The following CLPTM1 variants were observed in gnomAD, a reference collection of about 807,000 sequenced individuals.
CLPTM1 encodes CLPTM1 regulator of GABA type A receptor forward trafficking.
In CLPTM1, 21 loss-of-function variants were observed where a neutral mutation model predicts 77.3. That is an observed-to-expected ratio of 0.27 (90% CI 0.19 to 0.39). CLPTM1 has a LOEUF of 0.39. CLPTM1 is among the 10% of genes least tolerant of loss of function. The pLI is 1.00. For synonymous variants in CLPTM1, 373 were observed against 381.0 expected (o/e 0.98, Z 0.24); for missense variants, 642 against 921.2 (o/e 0.70, Z 3.92).
At chr19:44,978,931 C>CT (rs1466167232) in intron 5 of CLPTM1, among the ~76,000 whole-genome samples, 10 of 150,838 alleles carry the variant, frequency 6.6e-5, no homozygotes, top group African/African-American at 2.4e-4. Context: ...TGTCCGTCCT[C>CT]TTGTTTTCGA....
At chr19:44,980,789 C>CA (rs1293412089) in intron 5 of CLPTM1, among the ~76,000 whole-genome samples, 2 of 150,360 alleles carry the variant, frequency 1.3e-5, no homozygotes, top group Non-Finnish European at 3.0e-5. Flanking sequence ...CTCATCTCTA[C>CA]AAAAAAAAAT....
chr19:44,991,113 C>T lies in CLPTM1; in HGVS notation c.1420-125C>T, dbSNP rs1281478031. On this transcript the variant is annotated intron_variant, in intron 11 of 13. Transcript: ENST00000337392. This position sits in a 1 kb window ranked among gnomAD's most constrained non-coding sequence, Gnocchi z 5.4. ...GCTTCCCTGGGCGAGTCCGGAGTCC[C>T]CAGGGCTACCTGGAAATTCCCCCTG... The T allele has an allele frequency of 3.0e-5, 46 of 1,523,536 alleles. No homozygotes were observed. Among genetic ancestry groups the T allele is most frequent in the Non-Finnish European group, 3.8e-5 (43 of 1,119,512 alleles). The allele number at this position is 1,523,536 out of a possible 1,614,324, so 94.4% of individuals were successfully genotyped here. A position where few individuals can be genotyped will look rare whatever the true frequency, so the allele number is the denominator to read the frequency against.
At chr19:44,954,657 T>C, upstream of CLPTM1, 5 of 1,107,262 alleles carry the variant, frequency 4.5e-6, no homozygotes, top group Non-Finnish European at 5.5e-6. Context: ...TAATGAAAAA[T>C]TGTGGAATTC....
At chr19:44,987,708 C>T (rs1167735115) in intron 8 of CLPTM1, 1 of 551,562 alleles carries the variant, frequency 1.8e-6, no homozygotes, top group Admixed American at 3.2e-5. Context: ...GGCCCTGGCT[C>T]CAACTCTGTG....
At position 44,972,409 on chromosome 19, in the gene CLPTM1, A is replaced by G. The variant is rs546440698; in HGVS notation, c.186-678A>G. On this transcript the variant is annotated intron_variant, in intron 2 of 13. Transcript: ENST00000337392. Reference sequence around the variant, plus strand: ...ACTACAGGCGCCCGCCACCATGCCCAGCTAATTTTTTTGTATTTTTTAGTA... The same window carrying G: ...ACTACAGGCGCCCGCCACCATGCCCGGCTAATTTTTTTGTATTTTTTAGTA... Among the ~76,000 whole-genome samples the G allele has an allele frequency of 1.1e-4, 17 of 151,652 alleles. No homozygotes were observed. In the South Asian group the frequency reaches 2.3e-3, roughly 20 times the overall value.
chr19:44,966,637 T>G (rs1970633895), intron 2 of CLPTM1, among the ~76,000 whole-genome samples: 1 of 139,090 alleles, frequency 7.2e-6, no homozygotes, highest in African/African-American at 2.7e-5. Context: ...TTATCACCCT[T>G]CTTGAGCCTC....
chr19:44,962,861 C>T (rs1012291839), intron 2 of CLPTM1, among the ~76,000 whole-genome samples: 3 of 151,638 alleles, frequency 2.0e-5, no homozygotes, highest in Non-Finnish European at 4.4e-5. Flanking sequence ...GTCAAGAGAT[C>T]GAGACCATCC....
At chr19:44,982,363 G>T (rs963572269) in intron 5 of CLPTM1, among the ~76,000 whole-genome samples, 2 of 151,046 alleles carry the variant, frequency 1.3e-5, no homozygotes, top group African/African-American at 4.9e-5. Flanking sequence ...AAAAAAAAGG[G>T]TCTAGCGTGT....
rs1192685709 is a variant in CLPTM1, at chr19:44,966,140, G to T, written c.185+4065G>T. 2.6e-5 allele frequency among the ~76,000 whole-genome samples: 4 copies of T among 152,206 alleles called. No individual in the cohort carries two copies. In the East Asian group the frequency reaches 7.7e-4, roughly 29 times the overall value. On this transcript the variant is annotated intron_variant, in intron 2 of 13. Coordinates refer to ENST00000337392, the MANE Select transcript of CLPTM1 (RefSeq NM_001294.4). ...AAAAAGTGTAATGTGGGCCGGGCGCGGTGGCTCACGCCTGTAATCCCAGCA... is the reference window on the plus strand; with the variant it reads ...AAAAAGTGTAATGTGGGCCGGGCGCTGTGGCTCACGCCTGTAATCCCAGCA...
intron 2 of CLPTM1, among the ~76,000 whole-genome samples, chr19:44,972,482 C>T (rs1023858316): frequency 2.0e-5 from 3 of 152,070 alleles, no homozygotes; most frequent in African/African-American, 7.2e-5. Context: ...ATCTCCTGAC[C>T]TCGTGATCCG....
chr19:44,959,063 T>C lies in CLPTM1; in HGVS notation c.73-2900T>C, dbSNP rs528746984. ...GAAATCCTAAAGTACGTGCTCACAG[T>C]TGTTCCTTTTCACTGCTCAGTGGTA... On this transcript the variant is annotated intron_variant, in intron 1 of 13. Transcript: ENST00000337392. 2.6e-5 allele frequency among the ~76,000 whole-genome samples: 4 copies of C among 152,332 alleles called. No individual in the cohort carries two copies. The South Asian group carries it at 8.3e-4, about 32-fold the overall frequency.
chr19:44,958,237 G>C (rs1270284384), intron 1 of CLPTM1, among the ~76,000 whole-genome samples: 2 of 152,132 alleles, frequency 1.3e-5, no homozygotes, highest in Admixed American at 6.6e-5. Flanking sequence ...AGTGGGAGGT[G>C]CCTGGTGTGA....
intron 1 of CLPTM1, among the ~76,000 whole-genome samples, chr19:44,959,234 CTAAG>C (rs1970507839): frequency 7.3e-6 from 1 of 137,624 alleles, no homozygotes; most frequent in East Asian, 2.1e-4. Context: ...TTTTTTTTTT[CTAAG>C]TAAGAGAGAC....
intron 1 of CLPTM1, among the ~76,000 whole-genome samples, chr19:44,960,299 T>C (rs1001309173): frequency 6.6e-6 from 1 of 152,214 alleles, no homozygotes; most frequent in African/African-American, 2.4e-5. Flanking sequence ...TTCCCCCTGC[T>C]TGTTTTCCAT....
intron 2 of CLPTM1, among the ~76,000 whole-genome samples, chr19:44,967,336 A>G (rs1199337589): frequency 6.6e-6 from 1 of 151,694 alleles, no homozygotes; most frequent in South Asian, 2.1e-4. Context: ...CAAAAACCTT[A>G]GGAAATATAT....
In CLPTM1 at chr19:44,991,166, G is replaced by C. The variant is rs1971068886; in HGVS notation, c.1420-72G>C. ...CGGCCTGCCAGACCAGGTGTGGTGG[G>C]TGAGGGCGGGGAGCAGGGCTGCCAG... On this transcript the variant is annotated intron_variant, in intron 11 of 13. Coordinates refer to ENST00000337392, the MANE Select transcript of CLPTM1 (RefSeq NM_001294.4). The surrounding 1 kb of genome is among the most constrained non-coding windows in gnomAD (Gnocchi z 5.4). The C allele has an allele frequency of 1.2e-5, 19 of 1,597,620 alleles. No individual in the cohort carries two copies. The highest frequency in any genetic ancestry group is 1.5e-5 in the Non-Finnish European group (18 of 1,170,236).
rs753785366 is a variant in CLPTM1, at chr19:44,992,567, G to C, written c.1724-44G>C. 1 of 1,609,030 alleles carries C rather than the reference G, an allele frequency of 6.2e-7. No homozygotes were observed. The stretch of plus-strand genomic sequence containing the variant: ...TCTCCACCCAGGCCCACCTGGCTGT[G>C]GACGGGCCAGCCCGACCTCACACTG... On this transcript the variant is annotated intron_variant, in intron 13 of 13. Coordinates refer to ENST00000337392, the MANE Select transcript of CLPTM1 (RefSeq NM_001294.4). The surrounding 1 kb of genome is among the most constrained non-coding windows in gnomAD (Gnocchi z 7.7).
rs1429900211 is a variant in CLPTM1, at chr19:44,993,112, T to C, written c.*215T>C. 1.9e-6 allele frequency: 1 copy of C among 519,210 alleles called. No homozygotes were observed. Among genetic ancestry groups the C allele is most frequent in the East Asian group, 5.2e-5 (1 of 19,230 alleles). 32.2% of individuals were successfully genotyped at this position (519,210 alleles called of 1,614,324 possible). On this transcript the variant is annotated 3_prime_UTR_variant, in exon 14 of 14. Coordinates refer to ENST00000337392, the MANE Select transcript of CLPTM1 (RefSeq NM_001294.4). ...GTCTGTCCCTCTGTCCCTCTGTGTT[T>C]CCAGCCATCTCGCCCTGCCAGCCCA...
At position 44,992,798 on chromosome 19, in the gene CLPTM1, C is replaced by T. The variant is rs375691050; in HGVS notation, c.1911C>T (p.Ala637=). The change falls in exon 14 of 14, where the codon GCC becomes GCT. Residue 637 remains alanine (A), a synonymous_variant. Transcript: ENST00000337392. This position sits in a 1 kb window ranked among gnomAD's most constrained non-coding sequence, Gnocchi z 7.7. ...PTTTTATREE[A]STSLPTKPTQ... ...CGACCACCGCCACCAGGGAGGAGGC[C>T]TCCACGTCCCTGCCCACCAAGCCCA... 1.2e-6 allele frequency: 2 copies of T among 1,613,382 alleles called. No individual in the cohort carries two copies. Among genetic ancestry groups the T allele is most frequent in the Non-Finnish European group, 8.5e-7 (1 of 1,179,890 alleles).
Sources: allele counts gnomAD v4.1 joint callset (sites outside exome capture counted in the v4.1 genomes callset), GRCh38; gene constraint gnomAD v4.1.1; non-coding constraint Gnocchi (gnomAD v3.1); transcripts MANE v1.5; gene names NCBI Gene and HGNC (gene_info 2026-07-23, HGNC 2026-07-21).